CD58: variants seen among roughly 807,000 people sequenced by gnomAD.
CD58 encodes the protein lymphocyte function-associated antigen 3.
CD58 carries 14 observed loss-of-function variants against 27.6 expected under a neutral mutation model. That is an observed-to-expected ratio of 0.51 (90% CI 0.34 to 0.79). The LOEUF (loss-of-function observed/expected upper bound fraction) is 0.79, where lower values mean the gene tolerates loss of function less well. Ranked by LOEUF, CD58 falls within the 30% of genes least tolerant of loss-of-function variation. The probability of loss-of-function intolerance (pLI) is 0.02; values close to 1 mark genes in which losing one functional copy is unlikely to be tolerated. For synonymous variants in CD58, 117 were observed against 103.8 expected (o/e 1.13, Z -0.77); for missense variants, 268 against 301.7 (o/e 0.89, Z 0.83).
At chr1:116,568,036 T>C (rs926722150) in intron 1 of CD58, among the ~76,000 whole-genome samples, 2 of 126,166 alleles carry the variant, frequency 1.6e-5, no homozygotes, top group African/African-American at 3.1e-5. Context: ...ACTTCAAAAA[T>C]GATGATGTCT....
intron 1 of CD58, among the ~76,000 whole-genome samples, chr1:116,558,274 C>T (rs769313375): frequency 2.0e-5 from 3 of 152,006 alleles, no homozygotes; most frequent in Admixed American, 2.0e-4. Flanking sequence ...CATTTAAAGC[C>T]TCGTGCAAGC....
chr1:116,562,997 T>C (rs775324949), intron 1 of CD58, among the ~76,000 whole-genome samples: 6 of 152,146 alleles, frequency 3.9e-5, no homozygotes, highest in Non-Finnish European at 8.8e-5. Context: ...TCATCGGAGA[T>C]AAGGCAAGTA....
intron 4 of CD58, among the ~76,000 whole-genome samples, chr1:116,520,797 G>A (rs1304077676): frequency 2.6e-5 from 4 of 152,268 alleles, no homozygotes; most frequent in African/African-American, 4.8e-5. Context: ...TTATAATACT[G>A]TTTAGTGGAG....
chr1:116,552,553 T>G lies in CD58; in HGVS notation c.71-7949A>C, dbSNP rs1658427836. On this transcript the variant is annotated intron_variant, in intron 1 of 5. Coordinates refer to ENST00000369489, the MANE Select transcript of CD58 (RefSeq NM_001779.3). The surrounding 1 kb of genome is among the most constrained non-coding windows in gnomAD (Gnocchi z 4.5). ...GAAATGCAATAAAAGGAGGTGTGCC[T>G]GAGGGATTTACCATTCTTTAATAAA... 6.6e-6 allele frequency among the ~76,000 whole-genome samples: 1 copy of G among 152,236 alleles called. No homozygotes were observed. The highest frequency in any genetic ancestry group is 2.4e-5 in the African/African-American group (1 of 41,464).
At chr1:116,553,512 G>A (rs1658459749) in intron 1 of CD58, among the ~76,000 whole-genome samples, 1 of 152,114 alleles carries the variant, frequency 6.6e-6, no homozygotes, top group South Asian at 2.1e-4. Flanking sequence ...GAGAGGAGGT[G>A]CCAGGAGGGC....
At position 116,532,567 on chromosome 1, in the gene CD58, T is replaced by C. The variant is rs1657649278; in HGVS notation, c.628+3398A>G. Among the ~76,000 whole-genome samples the C allele has an allele frequency of 6.6e-6, 1 of 152,186 alleles. No individual in the cohort carries two copies. Among genetic ancestry groups the C allele is most frequent in the Non-Finnish European group, 1.5e-5 (1 of 68,040 alleles). ...AGTGGTAGGAGAGGTTCTAGATCCCTGGAACCTCATCACCAGACCTCGGCC... is the reference window on the plus strand; with the variant it reads ...AGTGGTAGGAGAGGTTCTAGATCCCCGGAACCTCATCACCAGACCTCGGCC... On this transcript the variant is annotated intron_variant, in intron 3 of 5. Coordinates refer to ENST00000369489, the MANE Select transcript of CD58 (RefSeq NM_001779.3). The surrounding 1 kb of genome is among the most constrained non-coding windows in gnomAD (Gnocchi z 5.1).
In CD58 at chr1:116,565,198, A is replaced by G. The variant is rs1004455449; in HGVS notation, c.70+5705T>C. 9.2e-5 allele frequency among the ~76,000 whole-genome samples: 14 copies of G among 152,206 alleles called. No homozygotes were observed. The South Asian group carries it at 2.9e-3, about 32-fold the overall frequency. On this transcript the variant is annotated intron_variant, in intron 1 of 5. Transcript: ENST00000369489. ...ATTTCACTCCTGTTCAAAATCCTTCAAAACTTTCCAGTCACTGAAAGCAAA... is the reference window on the plus strand; with the variant it reads ...ATTTCACTCCTGTTCAAAATCCTTCGAAACTTTCCAGTCACTGAAAGCAAA...
intron 5 of CD58, chr1:116,518,785 G>T: frequency 2.0e-6 from 2 of 1,005,872 alleles, no homozygotes; most frequent in Non-Finnish European, 2.4e-6. Context: ...CTCTGACCCT[G>T]GCTCCTGAAG....
At position 116,546,494 on chromosome 1, in the gene CD58, A is replaced by G. The variant is rs1658175527; in HGVS notation, c.71-1890T>C. 6.6e-6 allele frequency among the ~76,000 whole-genome samples: 1 copy of G among 152,258 alleles called. No individual in the cohort carries two copies. Among genetic ancestry groups the G allele is most frequent in the Admixed American group, 6.5e-5 (1 of 15,284 alleles). On this transcript the variant is annotated intron_variant, in intron 1 of 5. Coordinates refer to ENST00000369489, the MANE Select transcript of CD58 (RefSeq NM_001779.3). The surrounding 1 kb of genome is among the most constrained non-coding windows in gnomAD (Gnocchi z 4.1). ...TCAACAGAGTATGTGGGAAGGCACA[A>G]GAAAAAGTACAGAATTCAAGGGGTG...
In CD58 at chr1:116,556,616, T is replaced by A. The variant is rs559223370; in HGVS notation, c.71-12012A>T. Among the ~76,000 whole-genome samples the A allele has an allele frequency of 3.3e-5, 5 of 152,228 alleles. No individual in the cohort carries two copies. The South Asian group carries it at 6.2e-4, about 19-fold the overall frequency. On this transcript the variant is annotated intron_variant, in intron 1 of 5. Coordinates refer to ENST00000369489, the MANE Select transcript of CD58 (RefSeq NM_001779.3). ...GCTCTGTGGTTTCCAAATCATCGAA[T>A]GCTAGAGCTGAAGAGGGCCTCAGAG...
Position 116,544,438 on chromosome 1 carries a change from A to T in CD58, c.237T>A (p.Asn79Lys). The T allele has an allele frequency of 6.2e-7, 1 of 1,614,082 alleles. No homozygotes were observed. The highest frequency in any genetic ancestry group is 8.5e-7 in the Non-Finnish European group (1 of 1,179,980). Residue 79 changes from asparagine to lysine, a missense_variant, in exon 2 of 6, where the codon AAT (asparagine) becomes AAA (lysine). Physicochemically the swap from Asn to Lys is moderately conservative, Grantham distance 94. Transcript: ENST00000369489. ...SEFRAFSSFK[N>K]RVYLDTVSGS... Reference sequence around the variant, plus strand: ...CTGACACAGTGTCTAAATAAACCCTATTTTTAAAAGATGAGAAAGCTCTGA... The same window carrying T: ...CTGACACAGTGTCTAAATAAACCCTTTTTTTAAAAGATGAGAAAGCTCTGA...
rs556714014 is a variant in CD58, at chr1:116,514,655, C to T, written c.*158G>A. The T allele has an allele frequency of 3.6e-6, 2 of 557,794 alleles. No homozygotes were observed. The highest frequency in any genetic ancestry group is 3.6e-5 in the Admixed American group (1 of 27,788). The allele number at this position is 557,794 out of a possible 1,614,324, so 34.6% of individuals were successfully genotyped here. ...AAGTTGATGACAGCCAAAACTAATG[C>T]TTGTTCTTTGTTAGTGGGTATTTCT... On this transcript the variant is annotated 3_prime_UTR_variant, in exon 6 of 6. Transcript: ENST00000369489.
Position 116,533,857 on chromosome 1 carries a change from T to C in CD58, c.628+2108A>G. On this transcript the variant is annotated intron_variant, in intron 3 of 5. Coordinates refer to ENST00000369489, the MANE Select transcript of CD58 (RefSeq NM_001779.3). The stretch of plus-strand genomic sequence containing the variant: ...TTCTTCATAGAACTTGGCTTCTATA[T>C]GAGCGCATCTCACCTGAATTTGTTT... 3.3e-6 allele frequency: 3 copies of C among 905,204 alleles called. No homozygotes were observed. The Admixed American group carries it at 5.2e-5, about 16-fold the overall frequency. The allele number at this position is 905,204 out of a possible 1,614,324, so 56.1% of individuals were successfully genotyped here.
chr1:116,567,013 T>G (rs1009227954), intron 1 of CD58, among the ~76,000 whole-genome samples: 1 of 150,606 alleles, frequency 6.6e-6, no homozygotes, highest in Non-Finnish European at 1.5e-5. Context: ...TGAAGGCATG[T>G]CCCTGTAGTC....
At chr1:116,518,344 T>G (rs1212704310) in intron 5 of CD58, among the ~76,000 whole-genome samples, 1 of 151,996 alleles carries the variant, frequency 6.6e-6, no homozygotes, top group Non-Finnish European at 1.5e-5. Flanking sequence ...CTTGGCTGGA[T>G]TATTTCATTA....
rs1657105407 is a variant in CD58, at chr1:116,517,076, C to T, written c.743+2155G>A. ...CCCCGTGGCCCTGGATGATGCCCCC[C>T]TACCCCCATCATTGGTAGTGATGGC... is the stretch of plus-strand genomic sequence containing the variant. On this transcript the variant is annotated intron_variant, in intron 5 of 5. Transcript: ENST00000369489. This position sits in a 1 kb window ranked among gnomAD's most constrained non-coding sequence, Gnocchi z 6.5. Among the ~76,000 whole-genome samples the T allele has an allele frequency of 6.6e-6, 1 of 152,144 alleles. No individual in the cohort carries two copies. The highest frequency in any genetic ancestry group is 2.4e-5 in the African/African-American group (1 of 41,422).
Position 116,522,036 on chromosome 1 carries a change from T to A in CD58, c.629-53A>T. On this transcript the variant is annotated intron_variant, in intron 3 of 5. Transcript: ENST00000369489. The surrounding 1 kb of genome is among the most constrained non-coding windows in gnomAD (Gnocchi z 4.6). ...AACTAGTTGAACTGATCAAAATGGA[T>A]CCTCATTATTTGCAGATTCCACCTT... The A allele has an allele frequency of 1.0e-6, 1 of 958,236 alleles. No homozygotes were observed. The highest frequency in any genetic ancestry group is 1.6e-6 in the Non-Finnish European group (1 of 621,190). 59.4% of individuals were successfully genotyped at this position (958,236 alleles called of 1,614,324 possible).
At position 116,532,878 on chromosome 1, in the gene CD58, C is replaced by T; in HGVS notation, c.628+3087G>A. The T allele has an allele frequency of 1.4e-6, 1 of 716,324 alleles. No homozygotes were observed. The highest frequency in any genetic ancestry group is 1.5e-5 in the South Asian group (1 of 65,942). 44.4% of individuals were successfully genotyped at this position (716,324 alleles called of 1,614,324 possible). On this transcript the variant is annotated intron_variant, in intron 3 of 5. Transcript: ENST00000369489. The surrounding 1 kb of genome is among the most constrained non-coding windows in gnomAD (Gnocchi z 5.1). Reference sequence around the variant, plus strand: ...TGCCGCATGCGGCAAAGACTGAGGCCTCCCGCTACAGGCCCGGAGTCGCGA... The same window carrying T: ...TGCCGCATGCGGCAAAGACTGAGGCTTCCCGCTACAGGCCCGGAGTCGCGA...
Position 116,552,915 on chromosome 1 carries a change from T to C in CD58, c.71-8311A>G, listed in dbSNP as rs1463638137. ...TTTTAATAGAAGTTGCTGCATTGTT[T>C]ACAAAAAAGACTTTGGCAATTTACA... On this transcript the variant is annotated intron_variant, in intron 1 of 5. Coordinates refer to ENST00000369489, the MANE Select transcript of CD58 (RefSeq NM_001779.3). The surrounding 1 kb of genome is among the most constrained non-coding windows in gnomAD (Gnocchi z 4.5). Among the ~76,000 whole-genome samples the C allele has an allele frequency of 6.6e-6, 1 of 152,194 alleles. No homozygotes were observed. The highest frequency in any genetic ancestry group is 2.4e-5 in the African/African-American group (1 of 41,456).
Sources: allele counts gnomAD v4.1 joint callset (sites outside exome capture counted in the v4.1 genomes callset), GRCh38; gene constraint gnomAD v4.1.1; non-coding constraint Gnocchi (gnomAD v3.1); transcripts MANE v1.5; gene names NCBI Gene and HGNC (gene_info 2026-07-23, HGNC 2026-07-21).